HPS4: variants seen among roughly 807,000 people sequenced by gnomAD.
HPS4 encodes HPS4 biogenesis of lysosomal organelles complex 3 subunit 2, also known as BLOC-3 complex member HPS4.
HPS4 carries 44 observed loss-of-function variants against 70.3 expected under a neutral mutation model. That is an observed-to-expected ratio of 0.63 (90% confidence interval 0.49 to 0.80). HPS4 has a LOEUF of 0.80. Ranked by LOEUF, HPS4 falls within the 30% of genes least tolerant of loss-of-function variation. The pLI is 0.00. For missense variants in HPS4, 873 were observed against 884.4 expected (o/e 0.99, Z 0.16); for synonymous variants, 377 against 355.9 (o/e 1.06, Z -0.67).
At chr22:26,469,592 TTATGTC>T (rs1185537994) in intron 7 of HPS4, among the ~76,000 whole-genome samples, 1 of 151,602 alleles carries the variant, frequency 6.6e-6, no homozygotes, top group African/African-American at 2.4e-5. Flanking sequence ...GTGCAGTGGC[TTATGTC>T]TATAATCCAA....
In HPS4 at chr22:26,470,709, A is replaced by G. The variant is rs749033740; in HGVS notation, c.596+10T>C. On this transcript the variant is annotated intron_variant, in intron 7 of 13. Coordinates refer to ENST00000398145, the MANE Select transcript of HPS4 (RefSeq NM_022081.6). Reference sequence around the variant, plus strand: ...ATGGGGCTGGAAGAAAGGGGTCTGGAGTTACTCACAGTCCTTTATAGAGGA... The same window carrying G: ...ATGGGGCTGGAAGAAAGGGGTCTGGGGTTACTCACAGTCCTTTATAGAGGA... 21 of 1,612,622 alleles carry G rather than the reference A, an allele frequency of 1.3e-5. No individual in the cohort carries two copies. In the South Asian group the frequency reaches 2.3e-4, roughly 18 times the overall value.
At chr22:26,476,779 T>C in intron 4 of HPS4, 1 of 556,788 alleles carries the variant, frequency 1.8e-6, no homozygotes, top group Non-Finnish European at 3.2e-6. Context: ...AGAAACCAGC[T>C]GTGTGCAATG....
rs5761557 is a variant in HPS4, at chr22:26,482,058, A to G, written c.-296T>C. 0.89 allele frequency: 374,135 copies of G among 419,746 alleles called. 167,291 individuals are homozygous for G. Among genetic ancestry groups the G allele is most frequent in the South Asian group, 0.92 (42,136 of 46,030 alleles). 26.0% of individuals were successfully genotyped at this position (419,746 alleles called of 1,614,324 possible). ...GTCAAATCCATTCCTCTGGTTTCCT[A>G]AGTATCACTGTGGCTGTCTGCAGAA... On this transcript the variant is annotated 5_prime_UTR_variant, in exon 2 of 14. Coordinates refer to ENST00000398145, the MANE Select transcript of HPS4 (RefSeq NM_022081.6).
Position 26,468,588 on chromosome 22 carries a change from G to A in HPS4, c.632C>T (p.Ala211Val). ...TGCTGTTCGGTGAAGCAGGACCTTG[G>A]CGGTGAGGGAGGGCGGGAGTTGGGT... ...VSTQLPPSLTAKVLLHRTAPQ... is the reference protein window; with the variant it reads ...VSTQLPPSLTVKVLLHRTAPQ... The change falls in exon 8 of 14, where the codon GCC becomes GTC. Residue 211 changes from alanine (A) to valine (V), a missense_variant. By Grantham distance (64) the Ala-to-Val change is moderately conservative. Transcript: ENST00000398145. 1 of 1,614,158 alleles carries A rather than the reference G, an allele frequency of 6.2e-7. No individual in the cohort carries two copies. Among genetic ancestry groups the A allele is most frequent in the Non-Finnish European group, 8.5e-7 (1 of 1,180,030 alleles).
rs995770536 is a variant in HPS4, at chr22:26,452,373, G to C, written c.*860C>G. On this transcript the variant is annotated 3_prime_UTR_variant, in exon 14 of 14. Transcript: ENST00000398145. ...CACACAAGCCCAGGAACACACAGCTGAGTGTCGCTCCCTTTCACGCAGCCA... is the reference window on the plus strand; with the variant it reads ...CACACAAGCCCAGGAACACACAGCTCAGTGTCGCTCCCTTTCACGCAGCCA... 28 of 456,514 alleles carry C rather than the reference G, an allele frequency of 6.1e-5. No individual in the cohort carries two copies. In the Admixed American group the frequency reaches 6.6e-4, roughly 11 times the overall value. The allele number at this position is 456,514 out of a possible 1,614,324, so 28.3% of individuals were successfully genotyped here.
chr22:26,458,108 G>C lies in HPS4; in HGVS notation c.1847-141C>G, dbSNP rs1485089264. The C allele has an allele frequency of 6.4e-5, 50 of 776,884 alleles. 1 individual carries two copies. Among genetic ancestry groups the C allele is most frequent in the Middle Eastern group, 3.5e-4 (1 of 2,852 alleles). 48.1% of individuals were successfully genotyped at this position (776,884 alleles called of 1,614,324 possible). A position where few individuals can be genotyped will look rare whatever the true frequency, so the allele number is the denominator to read the frequency against. ...TGCCCGGGGCAGAGACAAAGGCCCG[G>C]GGCATTGGGCTTCGGCTGCCGCCGC... On this transcript the variant is annotated intron_variant, in intron 12 of 13. Transcript: ENST00000398145.
At chr22:26,465,365 T>C (rs1261065865) in intron 10 of HPS4, 90 bp downstream of exon 10, 2 of 866,452 alleles carry the variant, frequency 2.3e-6, no homozygotes, top group East Asian at 2.4e-5. Flanking sequence ...TAAGGAACGA[T>C]GGGATGTATC....
intron 7 of HPS4, among the ~76,000 whole-genome samples, chr22:26,469,865 C>T (rs974357040): frequency 1.3e-5 from 2 of 152,154 alleles, no homozygotes; most frequent in Admixed American, 1.3e-4. Flanking sequence ...GCAAAGCCCA[C>T]CAGGGTCTAT....
chr22:26,453,204 C>A lies in HPS4; in HGVS notation c.*29G>T. 6.2e-7 allele frequency: 1 copy of A among 1,610,808 alleles called. No individual in the cohort carries two copies. Among genetic ancestry groups the A allele is most frequent in the South Asian group, 1.1e-5 (1 of 90,978 alleles). On this transcript the variant is annotated 3_prime_UTR_variant, in exon 14 of 14. Transcript: ENST00000398145. ...AGGCAGAGCTTCCTTTGCTGGTTTT[C>A]TCCTTCCCAGTCACCTCCTGGGTGC...
chr22:26,480,980 A>G (rs1388721102), intron 2 of HPS4, among the ~76,000 whole-genome samples: 1 of 152,168 alleles, frequency 6.6e-6, no homozygotes, highest in African/African-American at 2.4e-5. Context: ...CTCTTTCCCA[A>G]TACCTAAGGC....
chr22:26,458,529 C>G lies in HPS4; in HGVS notation c.1762G>C (p.Glu588Gln). ...SLNGLEVHLK[E>Q]TLPRDEAAST... ...GCTGCCTCATCCCTGGGCAGCGTCT[C>G]TTTCAGGTGGACTTCCAGCCCATTC... The change falls in exon 12 of 14, where the codon GAG becomes CAG. Residue 588 changes from glutamate (E) to glutamine (Q), a missense_variant. Glu to Gln is a conservative substitution (Grantham distance 29). Coordinates refer to ENST00000398145, the MANE Select transcript of HPS4 (RefSeq NM_022081.6). 1 of 1,614,156 alleles carries G rather than the reference C, an allele frequency of 6.2e-7. No individual in the cohort carries two copies. The highest frequency in any genetic ancestry group is 1.1e-5 in the South Asian group (1 of 91,086).
At chr22:26,446,519 G>GA (rs1019310354), downstream of HPS4, among the ~76,000 whole-genome samples, 5 of 152,226 alleles carry the variant, frequency 3.3e-5, no homozygotes, top group African/African-American at 1.2e-4. Flanking sequence ...TCATTGTTCC[G>GA]AGAGTGGGGT....
At chr22:26,446,467 G>A (rs774575180), downstream of HPS4, among the ~76,000 whole-genome samples, 27 of 152,124 alleles carry the variant, frequency 1.8e-4, no homozygotes, top group African/African-American at 4.6e-4. Flanking sequence ...GGAACTTGTC[G>A]GAAACCCCAA....
At chr22:26,462,845 A>G (rs2146503121) in intron 11 of HPS4, among the ~76,000 whole-genome samples, 1 of 152,282 alleles carries the variant, frequency 6.6e-6, no homozygotes, top group South Asian at 2.1e-4. Context: ...AATGAGCCAT[A>G]ACTCAGTGAT....
At chr22:26,459,646 G>A (rs1443232025) in intron 11 of HPS4, among the ~76,000 whole-genome samples, 1 of 152,120 alleles carries the variant, frequency 6.6e-6, no homozygotes, top group Non-Finnish European at 1.5e-5. Flanking sequence ...GCAGTTCCCA[G>A]GTAAAAAACA....
At chr22:26,460,724 G>A (rs1181294225) in intron 11 of HPS4, among the ~76,000 whole-genome samples, 2 of 152,210 alleles carry the variant, frequency 1.3e-5, no homozygotes, top group African/African-American at 4.8e-5. Flanking sequence ...CCAGGGGTCA[G>A]CAAACTCTAG....
chr22:26,443,269 C>A, downstream of HPS4: 2 of 1,362,896 alleles, frequency 1.5e-6, no homozygotes, highest in African/African-American at 1.4e-5. Context: ...GACTGTGGTC[C>A]GGTCCAGTCC....
At chr22:26,446,737 T>C (rs547121557), downstream of HPS4, among the ~76,000 whole-genome samples, 1 of 152,236 alleles carries the variant, frequency 6.6e-6, no homozygotes, top group African/African-American at 2.4e-5. Context: ...TTTTTTGTTA[T>C]CTGTTTTTGT....
Position 26,452,004 on chromosome 22 carries a change from GCACACACACACACACACA to G in HPS4, c.*1211_*1228del, listed in dbSNP as rs134978. ...CCACGTTACGCGCGCGCGCGCGCGC[GCACACACACACACACACA>G]CACACACACACACACACACACTGTC... is the stretch of plus-strand genomic sequence containing the variant. On this transcript the variant is annotated 3_prime_UTR_variant, in exon 14 of 14. Transcript: ENST00000398145. 2.3e-4 allele frequency: 24 copies of G among 106,152 alleles called. No homozygotes were observed. The highest frequency in any genetic ancestry group is 3.5e-4 in the Non-Finnish European group (18 of 51,330). 6.6% of individuals were successfully genotyped at this position (106,152 alleles called of 1,614,324 possible).
Sources: allele counts gnomAD v4.1 joint callset (sites outside exome capture counted in the v4.1 genomes callset), GRCh38; gene constraint gnomAD v4.1.1; transcripts MANE v1.5; gene names NCBI Gene and HGNC (gene_info 2026-07-23, HGNC 2026-07-21).